ZNF679: variants seen among roughly 807,000 people sequenced by gnomAD.
ZNF679 encodes the protein zinc finger protein 679, also known as hypothetical protein MGC42415.
A neutral mutation model predicts 13.4 loss-of-function variants in ZNF679; 10 were observed. The observed-to-expected ratio is 0.75, with a 90% CI of 0.46 to 1.27. ZNF679 has a LOEUF of 1.27. ZNF679 is among the 50% of genes most tolerant of loss of function. The pLI is 0.00. For synonymous variants in ZNF679, 179 were observed against 162.5 expected, an observed-to-expected ratio of 1.10 and a Z score of -0.77; for missense variants, 525 against 477.8, an observed-to-expected ratio of 1.10 and a Z score of -0.92.
rs181970229 is a variant in ZNF679 at position 64,266,464 on chromosome 7, T to C, written c.831T>C (p.Phe277=). ...CATGTGAAGAATGTGGCCAAGCCTT[T>C]AGCCGCTCCTCAACACTTGCTAACC... ...PYTCEECGQA[F]SRSSTLANHK... The change falls in exon 5 of 5, where the codon TTT becomes TTC. Residue 277 remains phenylalanine (F), a synonymous_variant. Transcript: ENST00000421025. 2 of 1,613,676 alleles carry C rather than the reference T, an allele frequency of 1.2e-6. No individual in the cohort carries two copies. Among genetic ancestry groups the C allele is most frequent in the East Asian group, 2.2e-5 (1 of 44,820 alleles).
chr7:64,266,371 C>A lies in ZNF679; in HGVS notation c.738C>A (p.Gly246=), dbSNP rs1788149515. 1 of 1,613,310 alleles carries A rather than the reference C, an allele frequency of 6.2e-7. No individual in the cohort carries two copies. Among genetic ancestry groups the A allele is most frequent in the African/African-American group, 1.3e-5 (1 of 74,830 alleles). Residue 246 remains glycine (G), a synonymous_variant, in exon 5 of 5, where the codon GGC becomes GGA. Transcript: ENST00000421025. ...GEKPYRCEEC[G]KAFTWSSTLT... is the part of the protein sequence containing the mutation. ...AACCCTACAGATGTGAGGAATGTGGCAAAGCTTTTACCTGGTCCTCAACCC... is the reference window on the plus strand; with the variant it reads ...AACCCTACAGATGTGAGGAATGTGGAAAAGCTTTTACCTGGTCCTCAACCC...
intron 2 of ZNF679, among the ~76,000 whole-genome samples, chr7:64,253,673 T>C (rs2115573173): frequency 6.6e-6 from 1 of 152,316 alleles, no homozygotes; most frequent in South Asian, 2.1e-4. Flanking sequence ...ATATCAATGT[T>C]TAGGCAGACA....
At position 64,266,841 on chromosome 7, in the gene ZNF679, C is replaced by T. The variant is rs763843717; in HGVS notation, c.1208C>T (p.Thr403Ile). ...SSLANHKSMH[T>I]GEKPYKCE is the part of the protein sequence containing the mutation. The stretch of plus-strand genomic sequence containing the variant: ...CTTGCTAATCATAAGAGTATGCATA[C>T]TGGAGAGAAACCCTACAAATGTGAA... Residue 403 changes from threonine (T) to isoleucine (I), a missense_variant, in exon 5 of 5, where the codon ACT becomes ATT. By Grantham distance (89) the Thr-to-Ile change is moderately conservative. Coordinates refer to ENST00000421025, the MANE Select transcript of ZNF679 (RefSeq NM_153363.3). The T allele has an allele frequency of 1.9e-6, 3 of 1,587,692 alleles. No individual in the cohort carries two copies. Among genetic ancestry groups the T allele is most frequent in the East Asian group, 4.6e-5 (2 of 43,374 alleles).
chr7:64,240,051 A>G (rs1368598753), intron 1 of ZNF679, among the ~76,000 whole-genome samples: 1 of 152,146 alleles, frequency 6.6e-6, no homozygotes, highest in Non-Finnish European at 1.5e-5. Context: ...TATAGCTGGA[A>G]CCAGCTCCCT....
In ZNF679 at chr7:64,249,090, C is replaced by T; in HGVS notation, c.-28C>T. 1 of 1,614,044 alleles carries T rather than the reference C, an allele frequency of 6.2e-7. No homozygotes were observed. Among genetic ancestry groups the T allele is most frequent in the East Asian group, 2.2e-5 (1 of 44,858 alleles). ...TTCCTAGAGGCCAAGCCACTGTGGC[C>T]TTGTGTTCTGCAGGTATCCGCAGAT... On this transcript the variant is annotated 5_prime_UTR_variant, in exon 2 of 5. Transcript: ENST00000421025.
intron 1 of ZNF679, among the ~76,000 whole-genome samples, chr7:64,247,087 C>T (rs996807576): frequency 6.6e-6 from 1 of 152,130 alleles, no homozygotes; most frequent in South Asian, 2.1e-4. Flanking sequence ...GAATGTCTTT[C>T]GCATGCTAAT....
rs973660668 is a variant in ZNF679, at chr7:64,258,851, G to GA, written c.40-1362dup. Among the ~76,000 whole-genome samples the GA allele has an allele frequency of 4.5e-5, 6 of 133,792 alleles. No individual in the cohort carries two copies. In the Admixed American group the frequency reaches 4.5e-4, roughly 10 times the overall value. 87.8% of individuals were successfully genotyped at this position (133,792 alleles called of 152,430 possible). A position where few individuals can be genotyped will look rare whatever the true frequency, so the allele number is the denominator to read the frequency against. On this transcript the variant is annotated intron_variant, in intron 2 of 4. Transcript: ENST00000421025. ...ATTTTTATGATAGTCCAGGGGTTCT[G>GA]AAAAAAAATTTTTCTATATAGCATA...
chr7:64,230,570 G>T (rs1315346052), intron 1 of ZNF679, among the ~76,000 whole-genome samples: 5 of 151,896 alleles, frequency 3.3e-5, no homozygotes, highest in African/African-American at 4.8e-5. Flanking sequence ...AAAGAAAAGG[G>T]CCAAGAACAG....
At chr7:64,241,405 G>A (rs1313058273) in intron 1 of ZNF679, among the ~76,000 whole-genome samples, 3 of 152,218 alleles carry the variant, frequency 2.0e-5, no homozygotes, top group Non-Finnish European at 4.4e-5. Context: ...TTTGGGCAGA[G>A]TCAAAATCTC....
chr7:64,250,265 GTTTTTTTT>G lies in ZNF679; in HGVS notation c.39+1124_39+1131del, dbSNP rs11434714. Among the ~76,000 whole-genome samples the G allele has an allele frequency of 1.1e-3, 100 of 91,328 alleles. No homozygotes were observed. The Admixed American group carries it at 0.012, about 11-fold the overall frequency. The allele number at this position is 91,328 out of a possible 152,430, so 59.9% of individuals were successfully genotyped here. On this transcript the variant is annotated intron_variant, in intron 2 of 4. Coordinates refer to ENST00000421025, the MANE Select transcript of ZNF679 (RefSeq NM_153363.3). The stretch of plus-strand genomic sequence containing the variant: ...TCTACAGGAAACTGGCTTTCCCTTG[GTTTTTTTT>G]TTTTTTTTTTTTTTGAGACAGATTC...
rs554260094 is a variant in ZNF679, at chr7:64,266,876, A to G, written c.*7A>G. 77 of 1,552,102 alleles carry G rather than the reference A, an allele frequency of 5.0e-5. No homozygotes were observed. In the South Asian group the frequency reaches 8.4e-4, roughly 17 times the overall value. On this transcript the variant is annotated 3_prime_UTR_variant, in exon 5 of 5. Transcript: ENST00000421025. Reference sequence around the variant, plus strand: ...ACCCTACAAATGTGAATAATGTGATAAAGTCCAGCCTTCAGACCTTATAAT... The same window carrying G: ...ACCCTACAAATGTGAATAATGTGATGAAGTCCAGCCTTCAGACCTTATAAT...
At chr7:64,239,290 C>T (rs1309367073) in intron 1 of ZNF679, among the ~76,000 whole-genome samples, 1 of 152,160 alleles carries the variant, frequency 6.6e-6, no homozygotes, top group Non-Finnish European at 1.5e-5. Context: ...TGGGACACAG[C>T]TTGGAGAAGG....
chr7:64,242,705 A>G (rs1787814168), intron 1 of ZNF679, among the ~76,000 whole-genome samples: 1 of 152,116 alleles, frequency 6.6e-6, no homozygotes, highest in African/African-American at 2.4e-5. Context: ...GGGCCCTACT[A>G]TAACACTCTC....
chr7:64,266,293 C>T lies in ZNF679; in HGVS notation c.660C>T (p.Pro220=). 2.5e-6 allele frequency: 4 copies of T among 1,604,834 alleles called. No homozygotes were observed. The highest frequency in any genetic ancestry group is 3.4e-6 in the Non-Finnish European group (4 of 1,175,276). The part of the protein sequence containing the change: ...NSYQCEECGK[P]FNCSSTLSKH... ...ACCAATGTGAAGAATGCGGCAAACCCTTCAACTGCTCTTCAACCCTTTCTA... is the reference window on the plus strand; with the variant it reads ...ACCAATGTGAAGAATGCGGCAAACCTTTCAACTGCTCTTCAACCCTTTCTA... Residue 220 remains proline (P), a synonymous_variant, in exon 5 of 5, where the codon CCC becomes CCT. Transcript: ENST00000421025.
chr7:64,232,910 G>T (rs1254193725), intron 1 of ZNF679, among the ~76,000 whole-genome samples: 1 of 152,126 alleles, frequency 6.6e-6, no homozygotes, highest in African/African-American at 2.4e-5. Flanking sequence ...TTAATCCAGA[G>T]GTATGTCACA....
chr7:64,230,774 G>A (rs2116503481), intron 1 of ZNF679, among the ~76,000 whole-genome samples: 1 of 152,236 alleles, frequency 6.6e-6, no homozygotes, highest in Non-Finnish European at 1.5e-5. Flanking sequence ...TTGAGAGTTG[G>A]GTACAAGTTT....
At chr7:64,257,399 T>G (rs1476104737) in intron 2 of ZNF679, among the ~76,000 whole-genome samples, 2 of 152,188 alleles carry the variant, frequency 1.3e-5, no homozygotes, top group African/African-American at 2.4e-5. Context: ...ATTTCAGATG[T>G]TTTTTGTATT....
At chr7:64,260,134 G>A in intron 2 of ZNF679, 87 bp from the exon 3 acceptor site, 1 of 1,207,922 alleles carries the variant, frequency 8.3e-7, no homozygotes, top group Non-Finnish European at 1.2e-6. Flanking sequence ...TCTCTAACTT[G>A]AGTCAAATAA....
At chr7:64,230,276 G>A (rs888724995) in intron 1 of ZNF679, among the ~76,000 whole-genome samples, 11 of 152,228 alleles carry the variant, frequency 7.2e-5, no homozygotes, top group African/African-American at 2.4e-4. Context: ...GCTCACGCCT[G>A]TAATCCCAGC....
Sources: gnomAD v4.1 joint callset for allele counts (sites outside exome capture counted in the v4.1 genomes callset) on GRCh38, gnomAD v4.1.1 for gene constraint, MANE v1.5 for transcripts, NCBI Gene and HGNC (gene_info 2026-07-23, HGNC 2026-07-21) for gene names.